The following WDR72 variants were observed in gnomAD, a reference collection of about 807,000 sequenced individuals.
WDR72 encodes WD repeat-containing protein 72.
In WDR72, 120 loss-of-function variants were observed where a neutral mutation model predicts 124.2. The ratio of observed to expected loss-of-function variants is 0.97; its 90% CI spans 0.83 to 1.12. The LOEUF is 1.12. Among genes scored for constraint, WDR72 ranks in the 50% most tolerant of loss-of-function variants. The pLI, the probability that WDR72 is intolerant of heterozygous loss-of-function variation, is 0.00. For missense variants in WDR72, 1,387 were observed against 1,278.8 expected (o/e 1.08, Z -1.29); for synonymous variants, 452 against 441.7 (o/e 1.02, Z -0.29).
intron 13 of WDR72, among the ~76,000 whole-genome samples, chr15:53,683,614 T>C (rs2016479807): frequency 1.3e-5 from 2 of 152,142 alleles, no homozygotes; most frequent in South Asian, 4.1e-4. Flanking sequence ...GTATTTTACA[T>C]GTACCTATTT....
chr15:53,647,545 AT>A (rs1367851184), intron 14 of WDR72, among the ~76,000 whole-genome samples: 1 of 151,864 alleles, frequency 6.6e-6, no homozygotes, highest in Non-Finnish European at 1.5e-5. Context: ...AATCATTAGT[AT>A]TTTTTTCCTC....
intron 18 of WDR72, among the ~76,000 whole-genome samples, chr15:53,585,280 C>A (rs192500748): frequency 1.3e-5 from 2 of 151,884 alleles, no homozygotes; most frequent in Non-Finnish European, 2.9e-5. Flanking sequence ...CTTTACAAGG[C>A]GGCAGGAGAG....
chr15:53,597,009 CCAT>C, intron 18 of WDR72, 67 bp downstream of exon 18: 1 of 1,469,374 alleles, frequency 6.8e-7, no homozygotes, highest in South Asian at 1.1e-5. Context: ...AGTTGCACCA[CCAT>C]AAGTTGGAGA....
chr15:53,657,188 T>C (rs2015455274), intron 14 of WDR72, among the ~76,000 whole-genome samples: 2 of 134,332 alleles, frequency 1.5e-5, no homozygotes, highest in Admixed American at 1.8e-4. Context: ...CACTTGAACC[T>C]GGGAGGCACA....
In WDR72 at chr15:53,735,020, G is replaced by A. The variant is rs577056029; in HGVS notation, c.-12-1859C>T. On this transcript the variant is annotated intron_variant, in intron 1 of 19. Transcript: ENST00000360509. ...CCATGACAAGTGTTAATGGCTAGGC[G>A]CAGTGTCTCAGGCCTGTAATCACAG... Among the ~76,000 whole-genome samples, 26 of 152,036 alleles carry A rather than the reference G, an allele frequency of 1.7e-4. No homozygotes were observed. The South Asian group carries it at 5.0e-3, about 29-fold the overall frequency.
intron 16 of WDR72, among the ~76,000 whole-genome samples, chr15:53,612,072 A>G (rs149491612): frequency 2.0e-4 from 31 of 152,250 alleles, no homozygotes; most frequent in African/African-American, 7.5e-4. Context: ...TGCCCAATAG[A>G]ACACAAATAG....
intron 1 of WDR72, among the ~76,000 whole-genome samples, chr15:53,738,466 A>G (rs1190508349): frequency 6.6e-6 from 1 of 152,216 alleles, no homozygotes; most frequent in African/African-American, 2.4e-5. Flanking sequence ...ATTAATATAC[A>G]GAGAAAATGA....
At chr15:53,564,214 G>A (rs1399906443) in intron 18 of WDR72, among the ~76,000 whole-genome samples, 4 of 151,674 alleles carry the variant, frequency 2.6e-5, no homozygotes, top group Admixed American at 6.6e-5. Flanking sequence ...ATCTTGGCAT[G>A]GCTAGAATTG....
chr15:53,704,754 G>A (rs1254670472), intron 11 of WDR72, among the ~76,000 whole-genome samples: 1 of 133,218 alleles, frequency 7.5e-6, no homozygotes, highest in African/African-American at 2.8e-5. Context: ...GGATGGTCTC[G>A]ATCTCCTGAC....
In WDR72 at chr15:53,711,340, T is replaced by C. The variant is rs913717414; in HGVS notation, c.853A>G (p.Asn285Asp). The change falls in exon 8 of 20, where the codon AAC becomes GAC. Residue 285 changes from asparagine to aspartate, a missense_variant. Coordinates refer to ENST00000360509, the MANE Select transcript of WDR72 (RefSeq NM_182758.4). ...GCCGCTCCCATCTGAGCCCACCTGT[T>C]CAGCAGCTGATAGATGTAACTGTGA... ...DGHSYIYQLL[N>D]SGLSKSIYPA... The C allele has an allele frequency of 1.9e-6, 3 of 1,614,188 alleles. No homozygotes were observed. In the Admixed American group the frequency reaches 5.0e-5, roughly 27 times the overall value.
At chr15:53,605,177 C>T (rs922438467) in intron 17 of WDR72, among the ~76,000 whole-genome samples, 15 of 152,148 alleles carry the variant, frequency 9.9e-5, no homozygotes, top group East Asian at 1.9e-4. Flanking sequence ...AACAAGATCA[C>T]GTGCTTTGCA....
In WDR72 at chr15:53,699,840, GA is replaced by G; in HGVS notation, c.1674del (p.Pro559LeufsTer2). 2 of 1,614,038 alleles carry G rather than the reference GA, an allele frequency of 1.2e-6. No individual in the cohort carries two copies. The highest frequency in any genetic ancestry group is 1.7e-6 in the Non-Finnish European group (2 of 1,180,008). ...SCLLHARKHLFPVRMIKWHPV... is the reference protein window; with the variant it reads ...SCLLHARKHLXPVRMIKWHPV... The stretch of plus-strand genomic sequence containing the variant: ...GGGTGCCATTTTATCATCCTCACAG[GA>G]AAAAGGTGCTTCCGGGCATGCAGGA... On this transcript the variant is annotated frameshift_variant, in exon 13 of 20. Coordinates refer to ENST00000360509, the MANE Select transcript of WDR72 (RefSeq NM_182758.4). LOFTEE classifies it high-confidence loss of function.
chr15:53,569,252 G>C (rs1894415937), intron 18 of WDR72, among the ~76,000 whole-genome samples: 1 of 151,956 alleles, frequency 6.6e-6, no homozygotes, highest in Non-Finnish European at 1.5e-5. Flanking sequence ...TACACTCCCA[G>C]CTTCCAAGAC....
At chr15:53,533,065 G>GGA (rs1314694108) in intron 18 of WDR72, among the ~76,000 whole-genome samples, 5 of 152,088 alleles carry the variant, frequency 3.3e-5, no homozygotes, top group Non-Finnish European at 7.4e-5. Flanking sequence ...GCTTTCGGAA[G>GGA]GAGACGAGCA....
chr15:53,571,932 T>A (rs1452427573), intron 18 of WDR72, among the ~76,000 whole-genome samples: 1 of 152,128 alleles, frequency 6.6e-6, no homozygotes, highest in Non-Finnish European at 1.5e-5. Context: ...GAATGATATC[T>A]CATTGTAGTT....
At chr15:53,630,742 C>A (rs2014393598) in intron 14 of WDR72, among the ~76,000 whole-genome samples, 1 of 152,148 alleles carries the variant, frequency 6.6e-6, no homozygotes, top group Admixed American at 6.5e-5. Context: ...GGAAAATCCA[C>A]ACCTAACATA....
chr15:53,632,646 G>C (rs2140397232), intron 14 of WDR72, among the ~76,000 whole-genome samples: 1 of 152,374 alleles, frequency 6.6e-6, no homozygotes, highest in Admixed American at 6.5e-5. Flanking sequence ...GAGAGCAGCT[G>C]TGGGGGCTGA....
intron 13 of WDR72, chr15:53,684,364 A>ACGT: frequency 6.7e-6 from 1 of 149,666 alleles, no homozygotes; most frequent in African/African-American, 2.6e-5. Context: ...ACCGTGCATG[A>ACGT]GCCGAAGCAG....
chr15:53,720,916 G>A (rs1332909779), intron 3 of WDR72, among the ~76,000 whole-genome samples: 2 of 152,076 alleles, frequency 1.3e-5, no homozygotes, highest in Admixed American at 1.3e-4. Context: ...GGTCCCCTCT[G>A]GTCACCATAA....
Sources: allele counts gnomAD v4.1 joint callset (sites outside exome capture counted in the v4.1 genomes callset), GRCh38; gene constraint gnomAD v4.1.1; transcripts MANE v1.5; gene names NCBI Gene and HGNC (gene_info 2026-07-23, HGNC 2026-07-21).